The following PTPRM variants were observed in gnomAD, a reference collection of about 807,000 sequenced individuals.
The protein encoded by PTPRM is protein tyrosine phosphatase receptor type M.
In PTPRM, 47 loss-of-function variants were observed where a neutral mutation model predicts 186.7. The ratio of observed to expected loss-of-function variants is 0.25; its 90% CI spans 0.20 to 0.32. PTPRM has a LOEUF of 0.32. PTPRM is among the 10% of genes least tolerant of loss of function. PTPRM has a pLI of 1.00. For synonymous variants in PTPRM, 668 were observed against 674.9 expected (o/e 0.99, Z 0.16); for missense variants, 1,494 against 1,865.0 (o/e 0.80, Z 3.66).
intron 1 of PTPRM, among the ~76,000 whole-genome samples, chr18:7,756,993 T>G (rs2041528277): frequency 6.6e-6 from 1 of 152,224 alleles, no homozygotes. Flanking sequence ...ATGTTTTAAA[T>G]ATTCTTTGCG....
intron 7 of PTPRM, among the ~76,000 whole-genome samples, chr18:8,014,065 T>C (rs186855301): frequency 6.6e-6 from 1 of 152,310 alleles, no homozygotes; most frequent in East Asian, 1.9e-4. Flanking sequence ...TTTTTCTCTC[T>C]TTTTTAAAAC....
chr18:7,785,537 A>G (rs2043059394), intron 2 of PTPRM, among the ~76,000 whole-genome samples: 1 of 152,216 alleles, frequency 6.6e-6, no homozygotes, highest in Admixed American at 6.5e-5. Context: ...ATTTTTCTGT[A>G]CTTTTGAAGC....
chr18:8,152,385 C>G (rs2093029195), intron 14 of PTPRM, among the ~76,000 whole-genome samples: 1 of 152,106 alleles, frequency 6.6e-6, no homozygotes, highest in Non-Finnish European at 1.5e-5. Context: ...ATACATGCAT[C>G]TACTCCTTTT....
At chr18:8,136,529 C>T (rs1021327649) in intron 13 of PTPRM, among the ~76,000 whole-genome samples, 1 of 150,604 alleles carries the variant, frequency 6.6e-6, no homozygotes, top group Non-Finnish European at 1.5e-5. Flanking sequence ...TTATCTCAGT[C>T]TTATATGAAA....
chr18:8,272,670 A>G (rs1287887767), intron 19 of PTPRM, among the ~76,000 whole-genome samples: 1 of 152,284 alleles, frequency 6.6e-6, no homozygotes, highest in Middle Eastern at 3.4e-3. Flanking sequence ...ATACAATCAG[A>G]ACATTCATTG....
chr18:7,916,863 C>CAATATAAT, intron 4 of PTPRM, among the ~76,000 whole-genome samples: 1 of 152,196 alleles, frequency 6.6e-6, no homozygotes, highest in African/African-American at 2.4e-5. Flanking sequence ...TATAGTCACC[C>CAATATAAT]TACAGTACTG....
intron 19 of PTPRM, among the ~76,000 whole-genome samples, chr18:8,262,499 C>G (rs1257644204): frequency 6.6e-6 from 1 of 152,196 alleles, no homozygotes; most frequent in African/African-American, 2.4e-5. Context: ...ACTCGCCACC[C>G]TGCCATCCTC....
At chr18:7,916,611 CT>C (rs1477114268) in intron 4 of PTPRM, among the ~76,000 whole-genome samples, 1 of 151,892 alleles carries the variant, frequency 6.6e-6, no homozygotes, top group Admixed American at 6.6e-5. Flanking sequence ...GAGTCCTTTT[CT>C]TTTTTAAAAA....
At chr18:7,718,457 T>G (rs2040385220) in intron 1 of PTPRM, among the ~76,000 whole-genome samples, 3 of 152,186 alleles carry the variant, frequency 2.0e-5, no homozygotes, top group Admixed American at 2.0e-4. Context: ...ACCATAAGCA[T>G]TCTGGAAAAT....
At chr18:7,664,250 C>T (rs979064623) in intron 1 of PTPRM, among the ~76,000 whole-genome samples, 6 of 152,276 alleles carry the variant, frequency 3.9e-5, no homozygotes, top group East Asian at 1.9e-4. Flanking sequence ...GGGGCCAGGG[C>T]GCCAAGAGAG....
At chr18:8,111,761 C>G (rs576916675) in intron 11 of PTPRM, among the ~76,000 whole-genome samples, 109 of 152,316 alleles carry the variant, frequency 7.2e-4, no homozygotes, top group African/African-American at 2.6e-3. Context: ...ACTTAATTCT[C>G]TCATTTCGTA....
rs184130435 is a variant in PTPRM at position 7,584,590 on chromosome 18, G to T, written c.73+16699G>T. Reference sequence around the variant, plus strand: ...GGCATTTTTTTTTTTCTCTTGGGATGCTTTCTGAATACATATTGTTTATTA... The same window carrying T: ...GGCATTTTTTTTTTTCTCTTGGGATTCTTTCTGAATACATATTGTTTATTA... On this transcript the variant is annotated intron_variant, in intron 1 of 32. Transcript: ENST00000580170. Among the ~76,000 whole-genome samples the T allele has an allele frequency of 3.3e-5, 5 of 151,968 alleles. No individual in the cohort carries two copies. The East Asian group carries it at 7.7e-4, about 24-fold the overall frequency.
intron 3 of PTPRM, among the ~76,000 whole-genome samples, chr18:7,890,253 T>C (rs149397591): frequency 1.3e-5 from 2 of 152,338 alleles, no homozygotes; most frequent in African/African-American, 4.8e-5. Flanking sequence ...AAGATCATTT[T>C]TCATGTTTAA....
At chr18:8,235,456 CTTTTTTTTTTTT>C (rs58166609) in intron 14 of PTPRM, among the ~76,000 whole-genome samples, 1 of 102,322 alleles carries the variant, frequency 9.8e-6, no homozygotes, top group South Asian at 3.4e-4. Context: ...TCTGTGTCTT[CTTTTTTTTTTTT>C]TTTTTTTTTT....
At chr18:7,787,333 GAGAT>G (rs1273731203) in intron 2 of PTPRM, among the ~76,000 whole-genome samples, 2 of 152,226 alleles carry the variant, frequency 1.3e-5, no homozygotes, top group Non-Finnish European at 2.9e-5. Context: ...ACTGTCATAA[GAGAT>G]AGCCCCTGTG....
At chr18:7,812,456 G>A (rs1239055549) in intron 2 of PTPRM, among the ~76,000 whole-genome samples, 1 of 152,182 alleles carries the variant, frequency 6.6e-6, no homozygotes, top group Non-Finnish European at 1.5e-5. Flanking sequence ...ATGGTATTTT[G>A]CAGTGGAAAG....
intron 11 of PTPRM, among the ~76,000 whole-genome samples, chr18:8,098,484 A>G (rs2091120215): frequency 6.6e-6 from 1 of 152,206 alleles, no homozygotes; most frequent in African/African-American, 2.4e-5. Flanking sequence ...AACTAGTGGG[A>G]CATACCAGGA....
intron 2 of PTPRM, among the ~76,000 whole-genome samples, chr18:7,845,391 A>G (rs1411514131): frequency 6.6e-6 from 1 of 152,208 alleles, no homozygotes; most frequent in East Asian, 1.9e-4. Flanking sequence ...TATGCTTTAT[A>G]TAAGTTAGCT....
At chr18:7,716,454 A>G (rs2040333752) in intron 1 of PTPRM, among the ~76,000 whole-genome samples, 2 of 152,178 alleles carry the variant, frequency 1.3e-5, no homozygotes, top group Admixed American at 1.3e-4. Flanking sequence ...AAAACACCAA[A>G]AGCAATGGCA....
Sources: gnomAD v4.1 joint callset for allele counts (sites outside exome capture counted in the v4.1 genomes callset) on GRCh38, gnomAD v4.1.1 for gene constraint, MANE v1.5 for transcripts, NCBI Gene and HGNC (gene_info 2026-07-23, HGNC 2026-07-21) for gene names.